SRGAP2B: variants seen among roughly 807,000 people sequenced by gnomAD.
The protein encoded by SRGAP2B is SLIT-ROBO Rho GTPase-activating protein 2B.
Under a neutral mutation model 22.2 loss-of-function variants are expected in SRGAP2B, and 9 were observed. The ratio of observed to expected loss-of-function variants is 0.41; its 90% confidence interval spans 0.24 to 0.71. The LOEUF is 0.71. SRGAP2B is among the 30% of genes least tolerant of loss of function. SRGAP2B has a pLI of 0.35. For missense variants in SRGAP2B, 114 were observed against 235.8 expected (o/e 0.48, Z 3.38); for synonymous variants, 36 against 87.4 (o/e 0.41, Z 3.28).
Position 144,889,224 on chromosome 1 carries a change from G to A in SRGAP2B, c.*2936C>T, listed in dbSNP as rs1206515887. 70 of 149,300 alleles carry A rather than the reference G, an allele frequency of 4.7e-4. 11 individuals carry two copies. The highest frequency in any genetic ancestry group is 1.7e-3 in the African/African-American group (65 of 39,278). 9.2% of individuals were successfully genotyped at this position (149,300 alleles called of 1,614,324 possible). ...CCCGCCTCAGGCTCCCACAGCGCTG[G>A]GATTACAGGCATGAGCTGCCATATC... is the stretch of plus-strand genomic sequence containing the variant. On this transcript the variant is annotated 3_prime_UTR_variant, in exon 10 of 10. Coordinates refer to ENST00000612199, the Ensembl canonical transcript of SRGAP2B.
intron 3 of SRGAP2B, among the ~76,000 whole-genome samples, chr1:144,964,676 C>T (rs1299422503): frequency 3.3e-5 from 5 of 151,126 alleles, no homozygotes; most frequent in African/African-American, 1.2e-4. Context: ...AGAGTCTAGG[C>T]TTAGCTCTGC....
chr1:144,922,931 G>T (rs1302717865), intron 4 of SRGAP2B, among the ~76,000 whole-genome samples: 6 of 151,256 alleles, frequency 4.0e-5, no homozygotes, highest in Non-Finnish European at 8.8e-5. Context: ...GTGGCCCTGG[G>T]AGGAAATCCA....
chr1:144,917,638 C>T (rs1322295638), intron 4 of SRGAP2B, among the ~76,000 whole-genome samples: 1 of 145,988 alleles, frequency 6.8e-6, no homozygotes, highest in South Asian at 2.1e-4. Flanking sequence ...GTTGGGAGGA[C>T]CACTCAACTA....
intron 3 of SRGAP2B, among the ~76,000 whole-genome samples, chr1:144,970,763 A>G (rs1266490061): frequency 6.7e-6 from 1 of 150,184 alleles, no homozygotes; most frequent in Admixed American, 6.6e-5. Context: ...ACAAAAATGA[A>G]TAACTGTTTA....
intron 4 of SRGAP2B, among the ~76,000 whole-genome samples, chr1:144,937,558 C>CT (rs1424073707): frequency 4.0e-5 from 5 of 124,868 alleles, no homozygotes; most frequent in South Asian, 6.1e-4. Flanking sequence ...TTCCTGACCC[C>CT]TTCATAGAAC....
intron 3 of SRGAP2B, among the ~76,000 whole-genome samples, chr1:144,989,066 G>A (rs1553616522): frequency 9.2e-6 from 1 of 108,130 alleles, no homozygotes; most frequent in African/African-American, 4.1e-5. Flanking sequence ...CCTTCATCCT[G>A]GCCTTCTGTT....
chr1:144,926,489 T>G (rs1664737520), intron 4 of SRGAP2B, among the ~76,000 whole-genome samples: 2 of 135,430 alleles, frequency 1.5e-5, no homozygotes, highest in Admixed American at 1.5e-4. Context: ...CCCATTTCCC[T>G]ACCCCCACCC....
intron 3 of SRGAP2B, among the ~76,000 whole-genome samples, chr1:144,975,307 C>A (rs587654904): frequency 1.4e-5 from 2 of 147,944 alleles, no homozygotes; most frequent in South Asian, 4.2e-4. Flanking sequence ...TTGAGGGATG[C>A]TATGGTTTGA....
chr1:144,998,388 C>T (rs1670853400), intron 2 of SRGAP2B, among the ~76,000 whole-genome samples: 1 of 114,870 alleles, frequency 8.7e-6, no homozygotes, highest in Non-Finnish European at 1.7e-5. Context: ...GTGAGTACAC[C>T]CTGAGGTCTA....
chr1:145,081,304 A>G (rs1197486671), intron 2 of SRGAP2B, among the ~76,000 whole-genome samples: 1 of 149,902 alleles, frequency 6.7e-6, no homozygotes, highest in Non-Finnish European at 1.5e-5. Flanking sequence ...AGACATAAGA[A>G]GCACTTGATA....
intron 2 of SRGAP2B, among the ~76,000 whole-genome samples, chr1:145,041,064 G>GTATATATATAGTATATATA: frequency 1.0e-5 from 1 of 96,672 alleles, no homozygotes; most frequent in Non-Finnish European, 1.9e-5. Flanking sequence ...TTTGTTGCAT[G>GTATATATATAGTATATATA]TATATATATA....
chr1:144,924,798 C>A lies in SRGAP2B; in HGVS notation c.424-10044G>T, dbSNP rs79589880. ...TGTCAGGCGCAGTATCCATATATGTCATTTAGGTCAAGTTTGTTGTATTTT... is the reference window on the plus strand; with the variant it reads ...TGTCAGGCGCAGTATCCATATATGTAATTTAGGTCAAGTTTGTTGTATTTT... On this transcript the variant is annotated intron_variant, in intron 4 of 9. Transcript: ENST00000612199. 1.3e-4 allele frequency among the ~76,000 whole-genome samples: 19 copies of A among 145,330 alleles called. No homozygotes were observed. In the East Asian group the frequency reaches 3.8e-3, roughly 29 times the overall value.
intron 2 of SRGAP2B, among the ~76,000 whole-genome samples, chr1:145,056,986 C>T: frequency 6.8e-6 from 1 of 147,974 alleles, no homozygotes; most frequent in Non-Finnish European, 1.5e-5. Flanking sequence ...CACACACACA[C>T]ACACACGCAA....
At chr1:145,081,649 T>C (rs1652943744) in intron 2 of SRGAP2B, among the ~76,000 whole-genome samples, 1 of 148,754 alleles carries the variant, frequency 6.7e-6, no homozygotes, top group Non-Finnish European at 1.5e-5. Context: ...TGGTGCAGTA[T>C]CTCCACCGCC....
At chr1:144,966,350 G>GA (rs1668083058) in intron 3 of SRGAP2B, among the ~76,000 whole-genome samples, 1 of 149,284 alleles carries the variant, frequency 6.7e-6, no homozygotes, top group Non-Finnish European at 1.5e-5. Context: ...CATTCTTAAA[G>GA]AAAAGAATTT....
intron 2 of SRGAP2B, among the ~76,000 whole-genome samples, chr1:145,023,444 G>A (rs1389856485): frequency 7.4e-6 from 1 of 135,886 alleles, no homozygotes; most frequent in African/African-American, 2.7e-5. Context: ...AAAAGATTCT[G>A]ATGTCTTTAG....
intron 2 of SRGAP2B, among the ~76,000 whole-genome samples, chr1:145,007,153 G>A (rs1255233532): frequency 4.6e-5 from 7 of 150,676 alleles, no homozygotes; most frequent in Admixed American, 2.0e-4. Context: ...ATTTCACAAC[G>A]AGGGACCACT....
chr1:145,019,983 A>C (rs1427764973), intron 2 of SRGAP2B, among the ~76,000 whole-genome samples: 5 of 151,086 alleles, frequency 3.3e-5, no homozygotes, highest in African/African-American at 7.4e-5. Context: ...TAAGGCCTTT[A>C]AACTGGCTGT....
intron 5 of SRGAP2B, among the ~76,000 whole-genome samples, chr1:144,914,257 T>C (rs1394816251): frequency 6.6e-6 from 1 of 151,804 alleles, no homozygotes; most frequent in Non-Finnish European, 1.5e-5. Context: ...GCATTTGTTC[T>C]AGTCTCAAAG....
Sources: gnomAD v4.1 joint callset for allele counts (sites outside exome capture counted in the v4.1 genomes callset) on GRCh38, gnomAD v4.1.1 for gene constraint, MANE v1.5 for transcripts, NCBI Gene and HGNC (gene_info 2026-07-23, HGNC 2026-07-21) for gene names.